The following TAMM41 variants were observed in gnomAD, a reference collection of about 807,000 sequenced individuals.
The protein encoded by TAMM41 is TAM41 mitochondrial translocator assembly and maintenance homolog.
In TAMM41, 36 loss-of-function variants were observed where a neutral mutation model predicts 44.1. The observed-to-expected ratio is 0.82, with a 90% CI of 0.63 to 1.08. TAMM41 has a LOEUF of 1.08. TAMM41 is among the 50% of genes least tolerant of loss of function. The pLI is 0.00. For missense variants in TAMM41, 417 were observed against 404.3 expected (o/e 1.03, Z -0.27); for synonymous variants, 164 against 153.1 (o/e 1.07, Z -0.53).
chr3:11,800,580 T>C (rs1347814200), intron 7 of TAMM41, among the ~76,000 whole-genome samples: 2 of 147,680 alleles, frequency 1.4e-5, no homozygotes, highest in South Asian at 2.1e-4. Flanking sequence ...AAGGTCATTA[T>C]ATAATGATAA....
At chr3:11,723,416 C>CA in the TAMM41 span, among the ~76,000 whole-genome samples, 4 of 151,758 alleles carry the variant, frequency 2.6e-5, no homozygotes, top group East Asian at 3.9e-4. Flanking sequence ...CCCATCTCTA[C>CA]AAAAAATCCA....
At position 11,798,311 on chromosome 3, in the gene TAMM41, T is replaced by C. The variant is rs147164851; in HGVS notation, c.938-7730A>G. ...GGTACATATACACCATGGAATACTATGCAGCCATAATAAAAAAGAGACCAT... is the reference window on the plus strand; with the variant it reads ...GGTACATATACACCATGGAATACTACGCAGCCATAATAAAAAAGAGACCAT... On this transcript the variant is annotated intron_variant, in intron 7 of 7. Coordinates refer to ENST00000455809, the MANE Select transcript of TAMM41 (RefSeq NM_001284401.2). 4.4e-3 allele frequency among the ~76,000 whole-genome samples: 673 copies of C among 152,278 alleles called. 7 individuals carry two copies. The highest frequency in any genetic ancestry group is 0.015 in the African/African-American group (619 of 41,550).
intron 3 of TAMM41, among the ~76,000 whole-genome samples, chr3:11,835,451 C>T (rs1310980940): frequency 1.3e-5 from 2 of 152,178 alleles, no homozygotes; most frequent in Non-Finnish European, 2.9e-5. Flanking sequence ...TCATTGCTAT[C>T]AGTAACATTT....
the TAMM41 span, among the ~76,000 whole-genome samples, chr3:11,758,614 G>T: frequency 6.6e-6 from 1 of 152,200 alleles, no homozygotes. Flanking sequence ...GCCTCCCAAA[G>T]TGCTGGGATT....
Position 11,817,271 on chromosome 3 carries a change from G to A in TAMM41, c.629C>T (p.Ala210Val). 6.2e-7 allele frequency: 1 copy of A among 1,613,248 alleles called. No individual in the cohort carries two copies. Among genetic ancestry groups the A allele is most frequent in the Non-Finnish European group, 8.5e-7 (1 of 1,179,332 alleles). Reference sequence around the variant, plus strand: ...GCTGCCATAGAGCTCTCGAAAGTGGGCTATATTGGGCTTCACAATATTCAA... The same window carrying A: ...GCTGCCATAGAGCTCTCGAAAGTGGACTATATTGGGCTTCACAATATTCAA... ...KVLNIVKPNI[A>V]HFRELYGSIL... The change falls in exon 5 of 8, where the codon GCC becomes GTC. Residue 210 changes from alanine (A) to valine (V), a missense_variant. Ala to Val is a moderately conservative substitution (Grantham distance 64). Coordinates refer to ENST00000455809, the MANE Select transcript of TAMM41 (RefSeq NM_001284401.2).
the TAMM41 span, among the ~76,000 whole-genome samples, chr3:11,776,544 T>C: frequency 2.0e-5 from 3 of 152,210 alleles, no homozygotes; most frequent in Non-Finnish European, 4.4e-5. Context: ...AGTAACCTGC[T>C]GTACAGGTTT....
rs1575643763 is a variant in TAMM41 at position 11,813,830 on chromosome 3, G to A, written c.708+3362C>T. 2.2e-5 allele frequency among the ~76,000 whole-genome samples: 3 copies of A among 136,934 alleles called. No homozygotes were observed. In the East Asian group the frequency reaches 6.1e-4, roughly 28 times the overall value. The allele number at this position is 136,934 out of a possible 152,430, so 89.8% of individuals were successfully genotyped here. A position where few individuals can be genotyped will look rare whatever the true frequency, so the allele number is the denominator to read the frequency against. On this transcript the variant is annotated intron_variant, in intron 5 of 7. Coordinates refer to ENST00000455809, the MANE Select transcript of TAMM41 (RefSeq NM_001284401.2). Reference sequence around the variant, plus strand: ...TCAGATCATATGGGTACAAATATATGTGTGTGTGTGTGTGTGTGTGTGTGT... The same window carrying A: ...TCAGATCATATGGGTACAAATATATATGTGTGTGTGTGTGTGTGTGTGTGT...
intron 2 of TAMM41, chr3:11,843,812 T>C: frequency 1.8e-6 from 1 of 549,986 alleles, no homozygotes; most frequent in Non-Finnish European, 3.2e-6. Flanking sequence ...CTCCAGTCCC[T>C]GCTCTGTCCC....
At chr3:11,758,914 C>T in the TAMM41 span, among the ~76,000 whole-genome samples, 1 of 152,142 alleles carries the variant, frequency 6.6e-6, no homozygotes, top group Admixed American at 6.5e-5. Flanking sequence ...CCTCGTGATC[C>T]ACCTGCCTTG....
the TAMM41 span, among the ~76,000 whole-genome samples, chr3:11,733,166 T>C: frequency 6.6e-6 from 1 of 151,150 alleles, no homozygotes; most frequent in South Asian, 2.1e-4. Context: ...GCCCGGCTAA[T>C]TTTTGTATTT....
intron 4 of TAMM41, among the ~76,000 whole-genome samples, chr3:11,821,951 C>T (rs1398746413): frequency 4.6e-5 from 7 of 152,124 alleles, no homozygotes; most frequent in East Asian, 1.9e-4. Flanking sequence ...TGCAGTGAGT[C>T]GCACATATTA....
chr3:11,797,221 C>T (rs1432865168), intron 7 of TAMM41, among the ~76,000 whole-genome samples: 1 of 152,170 alleles, frequency 6.6e-6, no homozygotes, highest in East Asian at 1.9e-4. Context: ...AAGCTGGAGG[C>T]CTCATGCTAC....
rs147185021 is a variant in TAMM41, at chr3:11,808,267, C to A, written c.875-372G>T. On this transcript the variant is annotated intron_variant, in intron 6 of 7. Transcript: ENST00000455809. ...AAAGATAAAAACCAAATGATTACAT[C>A]TACGAGAAAAACTTTCATTCTGAAA... 6.1e-4 allele frequency: 645 copies of A among 1,063,042 alleles called. 3 individuals carry two copies. In the African/African-American group the frequency reaches 0.01, roughly 17 times the overall value. The allele number at this position is 1,063,042 out of a possible 1,614,324, so 65.9% of individuals were successfully genotyped here. A position where few individuals can be genotyped will look rare whatever the true frequency, so the allele number is the denominator to read the frequency against.
the TAMM41 span, among the ~76,000 whole-genome samples, chr3:11,733,010 TTG>T: frequency 8.7e-3 from 1,241 of 142,386 alleles, 43 homozygotes; most frequent in Middle Eastern, 0.031. Flanking sequence ...GTTTGTTTGT[TTG>T]TTTTGAGATG....
At chr3:11,797,293 A>T (rs181750800) in intron 7 of TAMM41, among the ~76,000 whole-genome samples, 394 of 152,324 alleles carry the variant, frequency 2.6e-3, no homozygotes, top group Non-Finnish European at 4.7e-3. Flanking sequence ...TGGTACAAAA[A>T]CAGACACATA....
the TAMM41 span, among the ~76,000 whole-genome samples, chr3:11,775,906 T>C: frequency 6.6e-6 from 1 of 152,230 alleles, no homozygotes; most frequent in East Asian, 1.9e-4. Context: ...AGAATTTCAG[T>C]GTCCCCATGA....
At chr3:11,768,129 G>A in the TAMM41 span, among the ~76,000 whole-genome samples, 1 of 128,608 alleles carries the variant, frequency 7.8e-6, no homozygotes, top group African/African-American at 3.0e-5. Context: ...TTTGGATGTA[G>A]GTGGAAAACT....
the TAMM41 span, among the ~76,000 whole-genome samples, chr3:11,778,081 C>T: frequency 5.3e-5 from 8 of 152,102 alleles, no homozygotes; most frequent in Non-Finnish European, 1.0e-4. Context: ...GAGGCTCATC[C>T]GTGTCACAGT....
intron 5 of TAMM41, among the ~76,000 whole-genome samples, chr3:11,814,375 C>T (rs2078205581): frequency 6.6e-6 from 1 of 152,020 alleles, no homozygotes; most frequent in South Asian, 2.1e-4. Flanking sequence ...GAAAATAATG[C>T]ATCCATAATA....
Sources: gnomAD v4.1 joint callset for allele counts (sites outside exome capture counted in the v4.1 genomes callset) on GRCh38, gnomAD v4.1.1 for gene constraint, MANE v1.5 for transcripts, NCBI Gene and HGNC (gene_info 2026-07-23, HGNC 2026-07-21) for gene names.